Variants in XKR7 observed in about 807,000 individuals in gnomAD.
XKR7 encodes XK related 7, also known as XK-related protein 7.
A neutral mutation model predicts 42.2 loss-of-function variants in XKR7; 11 were observed. That is an observed-to-expected ratio of 0.26 (90% confidence interval 0.16 to 0.43). XKR7 has a LOEUF of 0.43. Among genes scored for constraint, XKR7 ranks in the 20% least tolerant of loss-of-function variants. The pLI, the probability that XKR7 is intolerant of heterozygous loss-of-function variation, is 1.00. For synonymous variants in XKR7, 346 were observed against 366.4 expected (o/e 0.94, Z 0.64); for missense variants, 710 against 802.2 (o/e 0.89, Z 1.39).
rs772722459 is a variant in XKR7, at chr20:31,997,196, A to G, written c.1479A>G (p.Ala493=). 3 of 1,610,002 alleles carry G rather than the reference A, an allele frequency of 1.9e-6. No homozygotes were observed. Among genetic ancestry groups the G allele is most frequent in the Admixed American group, 1.7e-5 (1 of 60,002 alleles). ...ERDGASAGER[A]GTPTPPVFQV... is the part of the protein sequence containing the mutation. Reference sequence around the variant, plus strand: ...ATGGGGCCTCGGCGGGAGAGCGTGCAGGGACCCCCACCCCACCTGTCTTCC... The same window carrying G: ...ATGGGGCCTCGGCGGGAGAGCGTGCGGGGACCCCCACCCCACCTGTCTTCC... The change falls in exon 3 of 3, where the codon GCA becomes GCG. Residue 493 remains alanine, a synonymous_variant. Coordinates refer to ENST00000562532, the MANE Select transcript of XKR7 (RefSeq NM_001011718.2).
At chr20:31,987,184 G>T (rs578193177) in intron 1 of XKR7, among the ~76,000 whole-genome samples, 1 of 134,644 alleles carries the variant, frequency 7.4e-6, no homozygotes, top group African/African-American at 2.9e-5. Context: ...ACCTCAAAGC[G>T]GGCCCAGTAT....
intron 1 of XKR7, among the ~76,000 whole-genome samples, chr20:31,992,910 C>T (rs564201356): frequency 6.6e-6 from 1 of 152,200 alleles, no homozygotes; most frequent in African/African-American, 2.4e-5. Flanking sequence ...CAGCTGGCCC[C>T]ACATCCAGGG....
chr20:31,988,022 A>G (rs1390658766), intron 1 of XKR7, among the ~76,000 whole-genome samples: 2 of 152,168 alleles, frequency 1.3e-5, no homozygotes, highest in Non-Finnish European at 2.9e-5. Context: ...GACACAATAG[A>G]CAGGCTGATC....
intron 1 of XKR7, among the ~76,000 whole-genome samples, chr20:31,985,133 G>A (rs1400419955): frequency 7.9e-5 from 12 of 152,158 alleles, no homozygotes; most frequent in Admixed American, 7.9e-4. Flanking sequence ...GCTCAGCTGG[G>A]GGGATGTCCT....
At chr20:31,980,105 G>T (rs894544240) in intron 1 of XKR7, among the ~76,000 whole-genome samples, 2 of 147,288 alleles carry the variant, frequency 1.4e-5, no homozygotes, top group African/African-American at 5.1e-5. Context: ...AAAATTAGTG[G>T]CTGGGAAATG....
rs780073677 is a variant in XKR7, at chr20:31,997,480, G to C, written c.*23G>C. ...TAGGCTACAGTGTCCCAGCACAAAA[G>C]GGACAGGCTTGGCTGATCCCACATC... is the stretch of plus-strand genomic sequence containing the variant. On this transcript the variant is annotated 3_prime_UTR_variant, in exon 3 of 3. Transcript: ENST00000562532. 2 of 1,567,690 alleles carry C rather than the reference G, an allele frequency of 1.3e-6. No individual in the cohort carries two copies. Among genetic ancestry groups the C allele is most frequent in the Admixed American group, 1.7e-5 (1 of 57,974 alleles).
intron 1 of XKR7, among the ~76,000 whole-genome samples, chr20:31,986,582 C>T (rs2064541656): frequency 8.5e-6 from 1 of 117,348 alleles, no homozygotes; most frequent in African/African-American, 3.7e-5. Flanking sequence ...GCAGACCCAG[C>T]ATCTGAGACA....
Position 31,968,364 on chromosome 20 carries a change from G to T in XKR7, c.189G>T (p.Ala63=), listed in dbSNP as rs574772561. ...ELRDCCWVLC[A]LLVFFSDGAT... is the part of the protein sequence containing the mutation. ...GGGACTGCTGCTGGGTGCTGTGCGC[G>T]CTGCTCGTGTTCTTCTCCGACGGTG... Residue 63 remains alanine (A), a synonymous_variant, in exon 1 of 3, where the codon GCG becomes GCT. Coordinates refer to ENST00000562532, the MANE Select transcript of XKR7 (RefSeq NM_001011718.2). This position sits in a 1 kb window ranked among gnomAD's most constrained non-coding sequence, Gnocchi z 4.5. 1.9e-6 allele frequency: 3 copies of T among 1,610,306 alleles called. No homozygotes were observed. In the Admixed American group the frequency reaches 5.0e-5, roughly 27 times the overall value.
In XKR7 at chr20:31,990,179, C is replaced by CGTGTGTGTGTGT. The variant is rs56235886; in HGVS notation, c.585-4865_585-4854dup. Among the ~76,000 whole-genome samples, 496 of 144,238 alleles carry CGTGTGTGTGTGT rather than the reference C, an allele frequency of 3.4e-3. 6 individuals carry two copies. The highest frequency in any genetic ancestry group is 0.012 in the African/African-American group (463 of 38,796). 94.6% of individuals were successfully genotyped at this position (144,238 alleles called of 152,430 possible). A position where few individuals can be genotyped will look rare whatever the true frequency, so the allele number is the denominator to read the frequency against. On this transcript the variant is annotated intron_variant, in intron 1 of 2. Transcript: ENST00000562532. ...TTATAAACTATTTTTAAATTCATTG[C>CGTGTGTGTGTGT]GTGTGTGTGTGTGTGTGTGTGTGTG...
At chr20:31,993,881 G>C (rs2064580002) in intron 1 of XKR7, among the ~76,000 whole-genome samples, 1 of 152,230 alleles carries the variant, frequency 6.6e-6, no homozygotes, top group South Asian at 2.1e-4. Flanking sequence ...AAAAGCAAGA[G>C]TCATCCCGGG....
chr20:31,977,149 C>T (rs1402397689), intron 1 of XKR7, among the ~76,000 whole-genome samples: 1 of 152,184 alleles, frequency 6.6e-6, no homozygotes, highest in African/African-American at 2.4e-5. Context: ...GTAGGAACAA[C>T]CCTGGGTTGG....
At chr20:31,996,264 G>A (rs990590587) in intron 2 of XKR7, among the ~76,000 whole-genome samples, 19 of 149,024 alleles carry the variant, frequency 1.3e-4, no homozygotes, top group African/African-American at 4.5e-4. Context: ...CCCCATCTTC[G>A]TCTCCCTTTA....
In XKR7 at chr20:31,995,862, C is replaced by T. The variant is rs375155895; in HGVS notation, c.787+592C>T. 1.6e-4 allele frequency among the ~76,000 whole-genome samples: 25 copies of T among 152,122 alleles called. No homozygotes were observed. The highest frequency in any genetic ancestry group is 5.5e-4 in the African/African-American group (23 of 41,512). ...CTCAATATCAGAGAAAAACCGCATC[C>T]CCCTGTCTCCCTGAAGCACTCCGTG... On this transcript the variant is annotated intron_variant, in intron 2 of 2. Transcript: ENST00000562532. This position sits in a 1 kb window ranked among gnomAD's most constrained non-coding sequence, Gnocchi z 4.1.
chr20:31,988,788 G>C (rs2064554813), intron 1 of XKR7, among the ~76,000 whole-genome samples: 1 of 152,198 alleles, frequency 6.6e-6, no homozygotes, highest in African/African-American at 2.4e-5. Flanking sequence ...CTTCCTGTAG[G>C]AAGAAGGTCA....
At chr20:31,989,555 C>A (rs1276062343) in intron 1 of XKR7, among the ~76,000 whole-genome samples, 1 of 152,110 alleles carries the variant, frequency 6.6e-6, no homozygotes, top group Non-Finnish European at 1.5e-5. Flanking sequence ...GACGTGGTCA[C>A]CCAGGCAAGA....
Position 31,996,975 on chromosome 20 carries a change from G to C in XKR7, c.1258G>C (p.Val420Leu), listed in dbSNP as rs538702175. 6.2e-7 allele frequency: 1 copy of C among 1,614,136 alleles called. No individual in the cohort carries two copies. Among genetic ancestry groups the C allele is most frequent in the South Asian group, 1.1e-5 (1 of 91,084 alleles). ...CTTCTACTCGCTCATCATGGTCTGCGTAGTGGCCTCCAGCTTTGCGCTGGG... is the reference window on the plus strand; with the variant it reads ...CTTCTACTCGCTCATCATGGTCTGCCTAGTGGCCTCCAGCTTTGCGCTGGG... ...TDFYSLIMVC[V>L]VASSFALGIF... is the part of the protein sequence containing the mutation. The change falls in exon 3 of 3, where the codon GTA (valine) becomes CTA (leucine). Residue 420 changes from valine to leucine, a missense_variant. Transcript: ENST00000562532.
In XKR7 at chr20:31,968,330, A is replaced by G; in HGVS notation, c.155A>G (p.Tyr52Cys). The change falls in exon 1 of 3, where the codon TAC becomes TGC. Residue 52 changes from tyrosine (Y) to cysteine (C), a missense_variant. Transcript: ENST00000562532. The surrounding 1 kb of genome is among the most constrained non-coding windows in gnomAD (Gnocchi z 4.5). ...GGGGCGGGCGGCCCGGGGCCGCGCT[A>G]CGAGCTGCGGGACTGCTGCTGGGTG... ...VVGAGGPGPR[Y>C]ELRDCCWVLC... 2 of 1,517,222 alleles carry G rather than the reference A, an allele frequency of 1.3e-6. No homozygotes were observed. The highest frequency in any genetic ancestry group is 1.8e-6 in the Non-Finnish European group (2 of 1,137,704). The allele number at this position is 1,517,222 out of a possible 1,614,324, so 94.0% of individuals were successfully genotyped here.
In XKR7 at chr20:31,973,917, G is replaced by A. The variant is rs115643496; in HGVS notation, c.584+5158G>A. Among the ~76,000 whole-genome samples the A allele has an allele frequency of 5.5e-3, 839 of 152,124 alleles. 11 individuals carry two copies. Among genetic ancestry groups the A allele is most frequent in the African/African-American group, 0.019 (791 of 41,504 alleles). Reference sequence around the variant, plus strand: ...GGGTGGGGAATAGACTGGAGGGGCCGGGCACAGTGGCTCACGCTTGTAATC... The same window carrying A: ...GGGTGGGGAATAGACTGGAGGGGCCAGGCACAGTGGCTCACGCTTGTAATC... On this transcript the variant is annotated intron_variant, in intron 1 of 2. Transcript: ENST00000562532.
Position 31,995,172 on chromosome 20 carries a change from T to G in XKR7, c.689T>G (p.Met230Arg). Residue 230 changes from methionine to arginine, a missense_variant, in exon 2 of 3, where the codon ATG becomes AGG. By Grantham distance (91) the Met-to-Arg change is moderately conservative. This residue lies in a region of XKR7 where 708 missense variants were observed against 786.2 expected (regional missense o/e 0.90). Transcript: ENST00000562532. This position sits in a 1 kb window ranked among gnomAD's most constrained non-coding sequence, Gnocchi z 4.1. ...CTGTTCGAGAGCGCCGACGTGAGCA[T>G]GCTGCGCTTGCTGGAGACCTTCCTG... ...QMLFESADVS[M>R]LRLLETFLRS... The G allele has an allele frequency of 6.4e-7, 1 of 1,550,552 alleles. No homozygotes were observed. The highest frequency in any genetic ancestry group is 1.2e-5 in the South Asian group (1 of 84,134).
Sources: allele counts gnomAD v4.1 joint callset (sites outside exome capture counted in the v4.1 genomes callset), GRCh38; gene constraint gnomAD v4.1.1; regional missense constraint gnomAD v4.1.1; non-coding constraint Gnocchi (gnomAD v3.1); transcripts MANE v1.5; gene names NCBI Gene and HGNC (gene_info 2026-07-23, HGNC 2026-07-21).